The following CREB5 variants were observed in gnomAD, a reference collection of about 807,000 sequenced individuals.
CREB5 encodes the protein cyclic AMP-responsive element-binding protein 5.
In CREB5, 19 loss-of-function variants were observed where a neutral mutation model predicts 57.1. That is an observed-to-expected ratio of 0.33 (90% CI 0.23 to 0.49). CREB5 has a LOEUF of 0.49. CREB5 is among the 20% of genes least tolerant of loss of function. CREB5 has a pLI of 0.99. For synonymous variants in CREB5, 238 were observed against 238.3 expected, an observed-to-expected ratio of 1.00 and a Z score of 0.01; for missense variants, 579 against 671.6, an observed-to-expected ratio of 0.86 and a Z score of 1.52.
At chr7:28,804,123 C>T in intron 7 of CREB5, 76 bp from the exon 8 acceptor site, 1 of 1,359,944 alleles carries the variant, frequency 7.4e-7, no homozygotes, top group Non-Finnish European at 1.0e-6. Context: ...AAATGTGAGT[C>T]ATTTTGCTTT....
At chr7:28,560,829 C>CGTGTGTGTGT (rs1562797035) in intron 4 of CREB5, among the ~76,000 whole-genome samples, 1 of 65,178 alleles carries the variant, frequency 1.5e-5, no homozygotes, top group Non-Finnish European at 3.1e-5. Context: ...TGTGCGCGCG[C>CGTGTGTGTGT]GCGCGTGTGT....
chr7:28,744,520 G>T (rs1804586467), intron 7 of CREB5, among the ~76,000 whole-genome samples: 1 of 151,730 alleles, frequency 6.6e-6, no homozygotes, highest in South Asian at 2.1e-4. Context: ...GCTAATTTTT[G>T]TATTTTTAGT....
At chr7:28,540,594 T>A (rs1377299813) in intron 4 of CREB5, among the ~76,000 whole-genome samples, 1 of 152,196 alleles carries the variant, frequency 6.6e-6, no homozygotes, top group Non-Finnish European at 1.5e-5. Context: ...TAGGTAATTA[T>A]TGTAAGCCTT....
chr7:28,317,572 C>A (rs1018809605), intron 1 of CREB5, among the ~76,000 whole-genome samples: 2 of 152,182 alleles, frequency 1.3e-5, no homozygotes, highest in East Asian at 1.9e-4. Context: ...TTCAGACAGA[C>A]GTGGCTTAAA....
intron 5 of CREB5, among the ~76,000 whole-genome samples, chr7:28,700,422 A>G (rs1264675391): frequency 6.6e-6 from 1 of 152,212 alleles, no homozygotes; most frequent in Non-Finnish European, 1.5e-5. Context: ...ATAAATGATG[A>G]ATTCCTGCAG....
At chr7:28,561,005 C>CAT (rs1795239068) in intron 4 of CREB5, among the ~76,000 whole-genome samples, 1 of 26,926 alleles carries the variant, frequency 3.7e-5, no homozygotes, top group Non-Finnish European at 7.9e-5. Context: ...CCTGCGTGTG[C>CAT]GTGTGTGTGT....
chr7:28,509,941 C>T (rs1030637772), intron 4 of CREB5, among the ~76,000 whole-genome samples: 1 of 152,180 alleles, frequency 6.6e-6, no homozygotes, highest in Non-Finnish European at 1.5e-5. Context: ...GCTTCTTCTT[C>T]CTTTGCCTCA....
chr7:28,550,851 G>A (rs1194202275), intron 4 of CREB5, among the ~76,000 whole-genome samples: 3 of 152,286 alleles, frequency 2.0e-5, no homozygotes, highest in African/African-American at 4.8e-5. Flanking sequence ...GCCAGGGGCC[G>A]TTAAGATTTT....
chr7:28,596,811 A>G (rs1221386729), intron 5 of CREB5, among the ~76,000 whole-genome samples: 1 of 152,230 alleles, frequency 6.6e-6, no homozygotes. Flanking sequence ...TGTTCATTAT[A>G]AAGATGCCAA....
intron 5 of CREB5, among the ~76,000 whole-genome samples, chr7:28,713,473 AG>A (rs1198153051): frequency 2.0e-5 from 3 of 152,238 alleles, no homozygotes; most frequent in African/African-American, 7.2e-5. Context: ...CTTAATTTTT[AG>A]GAACACCTTC....
chr7:28,769,755 C>T (rs1806222552), intron 7 of CREB5, among the ~76,000 whole-genome samples: 1 of 152,076 alleles, frequency 6.6e-6, no homozygotes, highest in South Asian at 2.1e-4. Flanking sequence ...TGAAGACAGC[C>T]ATTTTTTATT....
chr7:28,775,543 C>CATATATATATATATATATTTAT (rs1806571924), intron 7 of CREB5, among the ~76,000 whole-genome samples: 1 of 120,632 alleles, frequency 8.3e-6, no homozygotes, highest in South Asian at 2.6e-4. Flanking sequence ...ATTCCTTAGC[C>CATATATATATATATATATTTAT]ATATATATAT....
intron 4 of CREB5, among the ~76,000 whole-genome samples, chr7:28,532,733 G>A (rs1347533387): frequency 6.6e-6 from 1 of 152,184 alleles, no homozygotes; most frequent in African/African-American, 2.4e-5. Flanking sequence ...TTGATCAGCA[G>A]GATAACATAG....
intron 5 of CREB5, among the ~76,000 whole-genome samples, chr7:28,680,558 G>C: frequency 6.6e-6 from 1 of 152,128 alleles, no homozygotes; most frequent in South Asian, 2.1e-4. Flanking sequence ...AAGAGTTCAA[G>C]ACCAGCCCAG....
intron 1 of CREB5, among the ~76,000 whole-genome samples, chr7:28,342,562 G>A (rs1785958312): frequency 6.6e-6 from 1 of 152,168 alleles, no homozygotes; most frequent in Non-Finnish European, 1.5e-5. Flanking sequence ...GAATTAAAAT[G>A]GCAAGATTAT....
chr7:28,733,128 C>A (rs527880240), intron 7 of CREB5, among the ~76,000 whole-genome samples: 1 of 152,102 alleles, frequency 6.6e-6, no homozygotes, highest in Non-Finnish European at 1.5e-5. Flanking sequence ...AGATTTTAAT[C>A]CAACTGTGGC....
intron 9 of CREB5, 125 bp from the exon 10 acceptor site, chr7:28,817,946 T>A: frequency 1.6e-6 from 1 of 627,980 alleles, no homozygotes; most frequent in Non-Finnish European, 2.7e-6. Context: ...CCACATTAAA[T>A]AATATTCTTA....
At chr7:28,658,953 G>GTATATATATATATATATATGTGTATATA (rs1554281549) in intron 5 of CREB5, among the ~76,000 whole-genome samples, 1 of 99,584 alleles carries the variant, frequency 1.0e-5, no homozygotes, top group African/African-American at 3.3e-5. Context: ...GTGTGTGTGT[G>GTATATATATATATATATATGTGTATATA]TATATATATA....
rs188810602 is a variant in CREB5, at chr7:28,548,781, C to T, written c.292-21584C>T. Among the ~76,000 whole-genome samples the T allele has an allele frequency of 2.7e-3, 414 of 152,206 alleles. 4 individuals are homozygous for T. Among genetic ancestry groups the T allele is most frequent in the Middle Eastern group, 0.024 (7 of 294 alleles). On this transcript the variant is annotated intron_variant, in intron 4 of 10. Transcript: ENST00000357727. ...TAATTACGTATTTGTTAAATATTAC[C>T]GTTATTAATTTTCTGTATCAGTTTT...
Sources: gnomAD v4.1 joint callset for allele counts (sites outside exome capture counted in the v4.1 genomes callset) on GRCh38, gnomAD v4.1.1 for gene constraint, MANE v1.5 for transcripts, NCBI Gene and HGNC (gene_info 2026-07-23, HGNC 2026-07-21) for gene names.